FAT2: variants seen among roughly 807,000 people sequenced by gnomAD.
FAT2 encodes FAT atypical cadherin 2.
In FAT2, 150 loss-of-function variants were observed where a neutral mutation model predicts 295.3. The ratio of observed to expected loss-of-function variants is 0.51; its 90% confidence interval spans 0.44 to 0.58. The LOEUF is 0.58. Among genes scored for constraint, FAT2 ranks in the 20% least tolerant of loss-of-function variants. The pLI, the probability that FAT2 is intolerant of heterozygous loss-of-function variation, is 0.00. For missense variants in FAT2, 4,868 were observed against 5,442.7 expected (o/e 0.89, Z 3.32); for synonymous variants, 2,026 against 2,150.3 (o/e 0.94, Z 1.60).
At chr5:151,576,729 CT>C (rs1758761213) in intron 1 of FAT2, among the ~76,000 whole-genome samples, 1 of 152,150 alleles carries the variant, frequency 6.6e-6, no homozygotes, top group South Asian at 2.1e-4. Context: ...TTCTAGGTAC[CT>C]GCTAGTCAAG....
At position 151,525,977 on chromosome 5, in the gene FAT2, A is replaced by T. The variant is rs2127584823; in HGVS notation, c.10309-12T>A. On this transcript the variant is annotated splice_polypyrimidine_tract_variant and intron_variant, in intron 17 of 23. Coordinates refer to ENST00000261800, the MANE Select transcript of FAT2 (RefSeq NM_001447.3). ...ATGGGGGAGTTCTCCTGAGACCGAG[A>T]GTGACAAAGAAGGCAAAGAGCAGAA... 1 of 1,613,326 alleles carries T rather than the reference A, an allele frequency of 6.2e-7. No homozygotes were observed.
Position 151,531,606 on chromosome 5 carries a change from G to A in FAT2, c.9792C>T (p.Phe3264=), listed in dbSNP as rs2127591047. 6.2e-7 allele frequency: 1 copy of A among 1,612,794 alleles called. No homozygotes were observed. Among genetic ancestry groups the A allele is most frequent in the African/African-American group, 1.3e-5 (1 of 75,032 alleles). The change falls in exon 14 of 24, where the codon TTC becomes TTT. Residue 3264 remains phenylalanine (F), a synonymous_variant. Transcript: ENST00000261800. The surrounding 1 kb of genome is among the most constrained non-coding windows in gnomAD (Gnocchi z 5.7). ...TCTCACCTGTGCGAGCATCCAGGCG[G>A]AACCTGCCTTGCTCGTTCCCGCTGA... The part of the protein sequence containing the change: ...RVVSGNEQGR[F]RLDARTGILY...
In FAT2 at chr5:151,544,889, G is replaced by C; in HGVS notation, c.6238C>G (p.Gln2080Glu). ...FKHLPYYTII[Q>E]DGTEPGDVLF... is the part of the protein sequence containing the mutation. ...ACATCCCCTGGCTCTGTGCCATCTT[G>C]GATGATTGTGTAATAGGGCAGATGC... The change falls in exon 10 of 24, where the codon CAA becomes GAA. Residue 2080 changes from glutamine (Q) to glutamate (E), a missense_variant. Around this residue, in one of 5 missense-constraint regions of FAT2, gnomAD observed 3,297 missense variants for 3,669.4 expected, o/e 0.90. Coordinates refer to ENST00000261800, the MANE Select transcript of FAT2 (RefSeq NM_001447.3). The C allele has an allele frequency of 5.0e-6, 8 of 1,614,120 alleles. No homozygotes were observed. Among genetic ancestry groups the C allele is most frequent in the Non-Finnish European group, 6.8e-6 (8 of 1,180,018 alleles).
intron 2 of FAT2, 35 bp from the exon 3 acceptor site, chr5:151,563,674 T>C (rs775899314): frequency 3.1e-6 from 5 of 1,587,742 alleles, no homozygotes; most frequent in Admixed American, 3.5e-5. Context: ...CAAAATACTT[T>C]AGAGCTCAAA....
intron 1 of FAT2, among the ~76,000 whole-genome samples, chr5:151,576,216 G>A (rs2127656492): frequency 6.6e-6 from 1 of 152,338 alleles, no homozygotes; most frequent in East Asian, 1.9e-4. Context: ...ATACTTAGCA[G>A]TATGGTATAG....
At chr5:151,510,381 A>G in intron 21 of FAT2, 2 of 542,520 alleles carry the variant, frequency 3.7e-6, no homozygotes, top group East Asian at 6.2e-5. Flanking sequence ...CTTACAGCCC[A>G]CCAGAGACAA....
Position 151,563,449 on chromosome 5 carries a change from A to G in FAT2, c.3450T>C (p.Ala1150=), listed in dbSNP as rs1428814861. The change falls in exon 3 of 24, where the codon GCT becomes GCC. Residue 1150 remains alanine (A), a synonymous_variant. Coordinates refer to ENST00000261800, the MANE Select transcript of FAT2 (RefSeq NM_001447.3). The stretch of plus-strand genomic sequence containing the variant: ...GTTGAAGCACAGAGGTGCCCACGGG[A>G]GCATCCTCCTGGATGGAGGGGTAGA... ...AVFYPSIQED[A]PVGTSVLQLD... The G allele has an allele frequency of 6.2e-7, 1 of 1,614,190 alleles. No individual in the cohort carries two copies.
rs750846957 is a variant in FAT2 at position 151,544,784 on chromosome 5, A to G, written c.6343T>C (p.Tyr2115His). 7.1e-5 allele frequency: 114 copies of G among 1,614,084 alleles called. 1 individual carries two copies. The South Asian group carries it at 1.2e-3, about 17-fold the overall frequency. ...VTYEFAEDYT[Y>H]FRIDPYLGDI... ...CCAAGATAGGGGTCAATTCGGAAATATGTGTAATCTTCTGCAAATTCATAT... is the reference window on the plus strand; with the variant it reads ...CCAAGATAGGGGTCAATTCGGAAATGTGTGTAATCTTCTGCAAATTCATAT... The change falls in exon 10 of 24, where the codon TAT (tyrosine) becomes CAT (histidine). Residue 2115 changes from tyrosine (Y) to histidine (H), a missense_variant. By Grantham distance (83) the Tyr-to-His change is moderately conservative. Coordinates refer to ENST00000261800, the MANE Select transcript of FAT2 (RefSeq NM_001447.3).
Position 151,545,984 on chromosome 5 carries a change from G to C in FAT2, c.5143C>G (p.Gln1715Glu). Residue 1715 changes from glutamine to glutamate, a missense_variant, in exon 10 of 24, where the codon CAG becomes GAG. Gln to Glu is a conservative substitution (Grantham distance 29). Around this residue, in one of 5 missense-constraint regions of FAT2, gnomAD observed 3,297 missense variants for 3,669.4 expected, o/e 0.90. Transcript: ENST00000261800. ...MNSYSGLIST[Q>E]KKLDHEKISS... is the part of the protein sequence containing the mutation. ...ATTTTCTCATGGTCCAATTTCTTCT[G>C]GGTGGAAATAAGGCCAGAATATGAG... is the stretch of plus-strand genomic sequence containing the variant. The C allele has an allele frequency of 6.2e-7, 1 of 1,614,082 alleles. No individual in the cohort carries two copies. The highest frequency in any genetic ancestry group is 8.5e-7 in the Non-Finnish European group (1 of 1,180,004).
Position 151,549,292 on chromosome 5 carries a change from C to T in FAT2, c.4789+3G>A, listed in dbSNP as rs757845756. On this transcript the variant is annotated splice_donor_region_variant and intron_variant, in intron 9 of 23. Coordinates refer to ENST00000261800, the MANE Select transcript of FAT2 (RefSeq NM_001447.3). ...CCTCTGAGCTCATGGCCAGGCCTCT[C>T]ACCTTTCAGGAGGGAGTAGTGGACC... 3 of 1,612,246 alleles carry T rather than the reference C, an allele frequency of 1.9e-6. No homozygotes were observed. Among genetic ancestry groups the T allele is most frequent in the Non-Finnish European group, 2.5e-6 (3 of 1,179,804 alleles).
At chr5:151,538,066 C>A in intron 11 of FAT2, 120 bp from the exon 12 acceptor site, 20 of 700,700 alleles carry the variant, frequency 2.9e-5, no homozygotes, top group South Asian at 1.4e-4. Context: ...AGGGCAGAGA[C>A]GAAGAGAGAC....
In FAT2 at chr5:151,544,409, C is replaced by A. The variant is rs2127609741; in HGVS notation, c.6718G>T (p.Val2240Leu). Residue 2240 changes from valine (V) to leucine (L), a missense_variant, in exon 10 of 24, where the codon GTG becomes TTG. Physicochemically the swap from Val to Leu is conservative, Grantham distance 32. Transcript: ENST00000261800. Reference sequence around the variant, plus strand: ...GTATCCGTGGCTCTGACTGTGAACACATGTTTGGTCTTGGACTCATAGTCC... The same window carrying A: ...GTATCCGTGGCTCTGACTGTGAACAAATGTTTGGTCTTGGACTCATAGTCC... ...PLDYESKTKH[V>L]FTVRATDTAL... 1 of 1,614,178 alleles carries A rather than the reference C, an allele frequency of 6.2e-7. No homozygotes were observed. The highest frequency in any genetic ancestry group is 2.2e-5 in the East Asian group (1 of 44,882).
At chr5:151,510,346 C>T (rs1006494493) in intron 21 of FAT2, 172 bp from the exon 22 acceptor site, 1 of 662,880 alleles carries the variant, frequency 1.5e-6, no homozygotes, top group African/African-American at 1.8e-5. Flanking sequence ...GAACCAAGAG[C>T]ACTTTGGTCC....
Position 151,544,310 on chromosome 5 carries a change from A to G in FAT2, c.6817T>C (p.Ser2273Pro). ...EDVNDNPPTFSQLVYTTSISE... is the reference protein window; with the variant it reads ...EDVNDNPPTFPQLVYTTSISE... ...ATGGAAGTGGTATAGACCAATTGGGAAAAAGTGGGAGGGTTATCATTGACA... is the reference window on the plus strand; with the variant it reads ...ATGGAAGTGGTATAGACCAATTGGGGAAAAGTGGGAGGGTTATCATTGACA... Residue 2273 changes from serine to proline, a missense_variant, in exon 10 of 24, where the codon TCC becomes CCC. Coordinates refer to ENST00000261800, the MANE Select transcript of FAT2 (RefSeq NM_001447.3). 6.2e-7 allele frequency: 1 copy of G among 1,614,196 alleles called. No homozygotes were observed. Among genetic ancestry groups the G allele is most frequent in the East Asian group, 2.2e-5 (1 of 44,882 alleles).
chr5:151,566,049 T>C lies in FAT2; in HGVS notation c.2883A>G (p.Arg961=), dbSNP rs772341676. The change falls in exon 2 of 24, where the codon CGA becomes CGG. Residue 961 remains arginine (R), a synonymous_variant. Transcript: ENST00000261800. ...CATGGGCGCCATCCATCAGAACATA[T>C]CGCACTTCACCTGCGGGGCCCAGGT... ...DPDLGPAGEV[R]YVLMDGAHGT... 3.7e-6 allele frequency: 6 copies of C among 1,614,048 alleles called. No homozygotes were observed. The South Asian group carries it at 5.5e-5, about 15-fold the overall frequency.
At chr5:151,532,088 T>A in intron 13 of FAT2, 118 bp from the exon 14 acceptor site, 1 of 1,363,538 alleles carries the variant, frequency 7.3e-7, no homozygotes, top group East Asian at 2.3e-5. Context: ...GCGGACAAGC[T>A]GGCTTGGGTA....
At chr5:151,514,291 G>C (rs1328044960) in intron 20 of FAT2, among the ~76,000 whole-genome samples, 1 of 152,114 alleles carries the variant, frequency 6.6e-6, no homozygotes, top group Non-Finnish European at 1.5e-5. Context: ...CTTTTTATCT[G>C]TCTGGGACCA....
rs1754366164 is a variant in FAT2, at chr5:151,529,523, C to T, written c.9812-131G>A. The T allele has an allele frequency of 4.5e-6, 3 of 670,642 alleles. No individual in the cohort carries two copies. The South Asian group carries it at 5.2e-5, about 12-fold the overall frequency. 41.5% of individuals were successfully genotyped at this position (670,642 alleles called of 1,614,324 possible). A position where few individuals can be genotyped will look rare whatever the true frequency, so the allele number is the denominator to read the frequency against. On this transcript the variant is annotated intron_variant, in intron 14 of 23. Coordinates refer to ENST00000261800, the MANE Select transcript of FAT2 (RefSeq NM_001447.3). ...GCAAGGTAAGTGTCCTCTGTCATCT[C>T]CCCATCCATCTCCCTTTGCTATCCC...
In FAT2 at chr5:151,531,896, C is replaced by A. The variant is rs754083295; in HGVS notation, c.9502G>T (p.Val3168Leu). ...GHFSIDATTG[V>L]IRLEKPLQVR... is the part of the protein sequence containing the mutation. Reference sequence around the variant, plus strand: ...TGCAGCGGCTTTTCCAGGCGGATCACCCCCGTGGTGGCGTCGATGGAAAAG... The same window carrying A: ...TGCAGCGGCTTTTCCAGGCGGATCAACCCCGTGGTGGCGTCGATGGAAAAG... The change falls in exon 14 of 24, where the codon GTG (valine) becomes TTG (leucine). Residue 3168 changes from valine (V) to leucine (L), a missense_variant. Coordinates refer to ENST00000261800, the MANE Select transcript of FAT2 (RefSeq NM_001447.3). The surrounding 1 kb of genome is among the most constrained non-coding windows in gnomAD (Gnocchi z 5.7). 1.4e-5 allele frequency: 22 copies of A among 1,614,022 alleles called. No homozygotes were observed. The highest frequency in any genetic ancestry group is 2.7e-5 in the African/African-American group (2 of 74,928).
Sources: gnomAD v4.1 joint callset for allele counts (sites outside exome capture counted in the v4.1 genomes callset) on GRCh38, gnomAD v4.1.1 for gene constraint, gnomAD v4.1.1 regional missense constraint, Gnocchi (gnomAD v3.1) non-coding constraint, MANE v1.5 for transcripts, NCBI Gene and HGNC (gene_info 2026-07-23, HGNC 2026-07-21) for gene names.